Variants in NTAN1 observed in about 807,000 individuals in gnomAD.
NTAN1 encodes protein N-terminal asparagine amidohydrolase.
NTAN1 carries 32 observed loss-of-function variants against 41.9 expected under a neutral mutation model. The ratio of observed to expected loss-of-function variants is 0.76; its 90% CI spans 0.58 to 1.03. The LOEUF (loss-of-function observed/expected upper bound fraction) is 1.03. Among genes scored for constraint, NTAN1 ranks in the 50% least tolerant of loss-of-function variants. NTAN1 has a pLI of 0.00. For synonymous variants in NTAN1, 140 were observed against 139.5 expected, an observed-to-expected ratio of 1.00 and a Z score of -0.03; for missense variants, 377 against 377.5, an observed-to-expected ratio of 1.00 and a Z score of 0.01.
intron 1 of NTAN1, among the ~76,000 whole-genome samples, chr16:15,055,004 T>C (rs1187484518): frequency 6.6e-6 from 1 of 152,158 alleles, no homozygotes; most frequent in Non-Finnish European, 1.5e-5. Context: ...ATCTGAGCCT[T>C]CTTCATCAGA....
rs1205991634 is a variant in NTAN1, at chr16:15,055,960, G to A, written c.12C>T (p.Leu4=). Residue 4 remains leucine, a synonymous_variant, in exon 1 of 10, where the codon CTC becomes CTT. Transcript: ENST00000287706. MPL[L]VEGRRVRLPQ... ...GCAGCCGCACTCGCCGCCCCTCGAC[G>A]AGCAGCGGCATCGCGGAGGCGGCCG... is the stretch of plus-strand genomic sequence containing the variant. 2.0e-5 allele frequency: 24 copies of A among 1,227,524 alleles called. No homozygotes were observed. The highest frequency in any genetic ancestry group is 6.2e-5 in the African/African-American group (4 of 64,068). The allele number at this position is 1,227,524 out of a possible 1,614,324, so 76.0% of individuals were successfully genotyped here.
Position 15,038,616 on chromosome 16 carries a change from A to C in NTAN1, c.711T>G (p.His237Gln). The C allele has an allele frequency of 6.2e-7, 1 of 1,609,018 alleles. No individual in the cohort carries two copies. The highest frequency in any genetic ancestry group is 8.5e-7 in the Non-Finnish European group (1 of 1,175,582). ...CATCTTGGTGCAACCAGAAATCCAC[A>C]TGTGGAAATGGTGTCCAGGAGTACG... ...IGPYSWTPFP[H>Q]VDFWLHQDDK... The change falls in exon 9 of 10, where the codon CAT (histidine) becomes CAG (glutamine). Residue 237 changes from histidine to glutamine, a missense_variant. Physicochemically the swap from His to Gln is conservative, Grantham distance 24. Transcript: ENST00000287706.
intron 6 of NTAN1, 61 bp downstream of exon 6, chr16:15,041,562 A>G (rs2151692689): frequency 8.5e-7 from 1 of 1,176,386 alleles, no homozygotes; most frequent in Admixed American, 1.7e-5. Context: ...CCACTGCAAG[A>G]CTGGGGACAA....
intron 1 of NTAN1, 150 bp from the exon 2 acceptor site, chr16:15,048,249 G>C: frequency 1.6e-6 from 1 of 614,524 alleles, no homozygotes; most frequent in Non-Finnish European, 2.9e-6. Context: ...AAAGAAAAAG[G>C]CAGCAGCCAC....
intron 5 of NTAN1, among the ~76,000 whole-genome samples, chr16:15,043,571 G>A (rs931246516): frequency 2.0e-5 from 3 of 152,316 alleles, no homozygotes; most frequent in African/African-American, 4.8e-5. Flanking sequence ...CAGACAGGCT[G>A]TACCATCATA....
chr16:15,042,895 G>C (rs1220270200), intron 5 of NTAN1, among the ~76,000 whole-genome samples: 1 of 143,148 alleles, frequency 7.0e-6, no homozygotes, highest in African/African-American at 2.5e-5. Context: ...ACCATGCCCA[G>C]CTAATTTTTT....
intron 4 of NTAN1, chr16:15,044,691 G>A: frequency 2.0e-6 from 1 of 489,768 alleles, no homozygotes; most frequent in Non-Finnish European, 3.7e-6. Flanking sequence ...CTCTGGAAGA[G>A]CACAGGCACA....
chr16:15,052,377 C>A (rs1228820362), intron 1 of NTAN1, among the ~76,000 whole-genome samples: 1 of 152,182 alleles, frequency 6.6e-6, no homozygotes, highest in Admixed American at 6.5e-5. Context: ...GGGTCCGGCC[C>A]ATGAGCTGTG....
intron 4 of NTAN1, chr16:15,047,200 A>C: frequency 1.9e-6 from 1 of 523,298 alleles, no homozygotes. Context: ...AGACGACATC[A>C]AGTTCAAAGT....
chr16:15,038,232 C>G (rs1377424468), intron 9 of NTAN1, 22 bp from the exon 10 acceptor site: 1 of 1,601,108 alleles, frequency 6.2e-7, no homozygotes, highest in Non-Finnish European at 8.5e-7. Context: ...AGATGGTGGG[C>G]ATTAGAGAAG....
intron 5 of NTAN1, among the ~76,000 whole-genome samples, chr16:15,043,299 G>C (rs557348150): frequency 6.6e-6 from 1 of 152,224 alleles, no homozygotes; most frequent in East Asian, 1.9e-4. Flanking sequence ...GCCTCCCAAA[G>C]TGCTGGGATT....
At position 15,038,070 on chromosome 16, in the gene NTAN1, T is replaced by A. The variant is rs1337989876; in HGVS notation, c.894A>T (p.Glu298Asp). Residue 298 changes from glutamate to aspartate, a missense_variant, in exon 10 of 10, where the codon GAA becomes GAT. By Grantham distance (45) the Glu-to-Asp change is conservative. Coordinates refer to ENST00000287706, the MANE Select transcript of NTAN1 (RefSeq NM_173474.4). Reference sequence around the variant, plus strand: ...AAGAGATCTTTTCCCACAAGCCATCTTCATTTTTTTTGTAGAGTAGGGCTT... The same window carrying A: ...AAGAGATCTTTTCCCACAAGCCATCATCATTTTTTTTGTAGAGTAGGGCTT... ...GNKALLYKKN[E>D]DGLWEKISSP... The A allele has an allele frequency of 1.8e-5, 29 of 1,612,652 alleles. No individual in the cohort carries two copies. The highest frequency in any genetic ancestry group is 2.5e-5 in the Non-Finnish European group (29 of 1,179,578).
rs1040561497 is a variant in NTAN1, at chr16:15,056,015, C to T, written c.-44G>A. On this transcript the variant is annotated 5_prime_UTR_variant, in exon 1 of 10. Coordinates refer to ENST00000287706, the MANE Select transcript of NTAN1 (RefSeq NM_173474.4). ...GGCAGGCCCAGGGAGGCGGCGGCCC[C>T]CCGCTTTGCAGCCCCGGGCCGCCCG... The T allele has an allele frequency of 4.6e-6, 5 of 1,075,832 alleles. No individual in the cohort carries two copies. The highest frequency in any genetic ancestry group is 3.5e-6 in the Non-Finnish European group (3 of 861,774). 66.6% of individuals were successfully genotyped at this position (1,075,832 alleles called of 1,614,324 possible). A position where few individuals can be genotyped will look rare whatever the true frequency, so the allele number is the denominator to read the frequency against.
Position 15,038,197 on chromosome 16 carries a change from G to T in NTAN1, c.767C>A (p.Ser256Ter). Residue 256 changes from serine (S) to a stop codon, truncating the protein, a stop_gained, in exon 10 of 10, where the codon TCG becomes TAG. Coordinates refer to ENST00000287706, the MANE Select transcript of NTAN1 (RefSeq NM_173474.4). LOFTEE classifies it high-confidence loss of function. ...DKQILENLST[S>*]PLAEPPHFVE... is the part of the protein sequence containing the mutation. ...AAAGTGGGGTGGCTCAGCCAGAGGC[G>T]AAGTGGAAAGATTCTGAAAACACAA... The T allele has an allele frequency of 6.2e-7, 1 of 1,612,326 alleles. No homozygotes were observed. The highest frequency in any genetic ancestry group is 8.5e-7 in the Non-Finnish European group (1 of 1,179,188).
In NTAN1 at chr16:15,044,341, T is replaced by C. The variant is rs770619371; in HGVS notation, c.426A>G (p.Gln142=). 2 of 1,607,948 alleles carry C rather than the reference T, an allele frequency of 1.2e-6. No individual in the cohort carries two copies. The highest frequency in any genetic ancestry group is 1.1e-5 in the South Asian group (1 of 90,954). Residue 142 remains glutamine (Q), a synonymous_variant, in exon 5 of 10, where the codon CAA becomes CAG. Coordinates refer to ENST00000287706, the MANE Select transcript of NTAN1 (RefSeq NM_173474.4). ...DRQLSQKLTH[Q]LLSEFDRQED... is the part of the protein sequence containing the mutation. ...AAAAAAAAATGAACTTACTAAGAAGTTGATGAGTGAGTTTTTGTGACAACT... is the reference window on the plus strand; with the variant it reads ...AAAAAAAAATGAACTTACTAAGAAGCTGATGAGTGAGTTTTTGTGACAACT...
intron 4 of NTAN1, among the ~76,000 whole-genome samples, chr16:15,046,913 C>T (rs1377636138): frequency 2.0e-5 from 3 of 151,998 alleles, no homozygotes; most frequent in African/African-American, 4.8e-5. Context: ...CTACATGCCT[C>T]GCCCCCTAGC....
Position 15,037,943 on chromosome 16 carries a change from C to G in NTAN1, c.*88G>C. ...GGAGGGAAGGAGGCCTAAGACCCAA[C>G]AGATGTAGGATCCAGATCTGGATTC... On this transcript the variant is annotated 3_prime_UTR_variant, in exon 10 of 10. Coordinates refer to ENST00000287706, the MANE Select transcript of NTAN1 (RefSeq NM_173474.4). 1 of 903,946 alleles carries G rather than the reference C, an allele frequency of 1.1e-6. No homozygotes were observed. Among genetic ancestry groups the G allele is most frequent in the South Asian group, 1.6e-5 (1 of 60,688 alleles). 56.0% of individuals were successfully genotyped at this position (903,946 alleles called of 1,614,324 possible).
chr16:15,041,693 A>G lies in NTAN1; in HGVS notation c.434-17T>C. 1 of 1,591,850 alleles carries G rather than the reference A, an allele frequency of 6.3e-7. No homozygotes were observed. Among genetic ancestry groups the G allele is most frequent in the Admixed American group, 1.7e-5 (1 of 59,970 alleles). On this transcript the variant is annotated splice_polypyrimidine_tract_variant and intron_variant, in intron 5 of 9. Transcript: ENST00000287706. Reference sequence around the variant, plus strand: ...CAAATTCACCTATGATGAGAATTTTAAGACCAGAAGTCAGAAAAGTTCCTC... The same window carrying G: ...CAAATTCACCTATGATGAGAATTTTGAGACCAGAAGTCAGAAAAGTTCCTC...
intron 1 of NTAN1, among the ~76,000 whole-genome samples, chr16:15,051,401 G>A (rs903816207): frequency 6.6e-6 from 1 of 152,220 alleles, no homozygotes; most frequent in Admixed American, 6.5e-5. Context: ...CTCCCAGGCT[G>A]GAGTGCAGCG....
Sources: allele counts gnomAD v4.1 joint callset (sites outside exome capture counted in the v4.1 genomes callset), GRCh38; gene constraint gnomAD v4.1.1; transcripts MANE v1.5; gene names NCBI Gene and HGNC (gene_info 2026-07-23, HGNC 2026-07-21).